The following MAF variants were observed in gnomAD, a reference collection of about 807,000 sequenced individuals.
The protein encoded by MAF is transcription factor Maf.
MAF carries 10 observed loss-of-function variants against 22.0 expected under a neutral mutation model. The observed-to-expected ratio is 0.45, with a 90% CI of 0.28 to 0.77. The LOEUF (loss-of-function observed/expected upper bound fraction) is 0.77, where lower values mean the gene tolerates loss of function less well. MAF is among the 30% of genes least tolerant of loss of function. The probability of loss-of-function intolerance (pLI) is 0.12; values close to 1 mark genes in which losing one functional copy is unlikely to be tolerated. For synonymous variants in MAF, 337 were observed against 255.8 expected, an observed-to-expected ratio of 1.32 and a Z score of -3.03; for missense variants, 544 against 548.4, an observed-to-expected ratio of 0.99 and a Z score of 0.08.
the MAF span, among the ~76,000 whole-genome samples, chr16:79,541,602 T>C: frequency 2.6e-5 from 4 of 151,516 alleles, no homozygotes; most frequent in African/African-American, 9.7e-5. Context: ...GACGAGACCC[T>C]AATTCAGACA....
chr16:79,470,258 C>G, the MAF span, among the ~76,000 whole-genome samples: 3 of 152,188 alleles, frequency 2.0e-5, no homozygotes, highest in Admixed American at 1.3e-4. Flanking sequence ...TCCTCTGAAC[C>G]CCAACACTTG....
the MAF span, among the ~76,000 whole-genome samples, chr16:79,214,405 G>A: frequency 6.8e-4 from 103 of 152,084 alleles, no homozygotes; most frequent in African/African-American, 2.2e-3. Context: ...CAATGATCCC[G>A]AGCCACACAC....
the MAF span, among the ~76,000 whole-genome samples, chr16:79,350,550 C>G: frequency 6.6e-6 from 1 of 152,178 alleles, no homozygotes; most frequent in Admixed American, 6.5e-5. Context: ...ACTGCGTACT[C>G]AACAGTAAGC....
rs758854502 is a variant in MAF, at chr16:79,599,461, C to A, written c.442G>T (p.Ala148Ser). The A allele has an allele frequency of 7.5e-5, 101 of 1,343,634 alleles. 1 individual carries two copies. The South Asian group carries it at 1.3e-3, about 17-fold the overall frequency. The allele number at this position is 1,343,634 out of a possible 1,614,324, so 83.2% of individuals were successfully genotyped here. Residue 148 changes from alanine (A) to serine (S), a missense_variant, in exon 1 of 2, where the codon GCC (alanine) becomes TCC (serine). Around this residue, in one of 5 missense-constraint regions of MAF, gnomAD observed 342 missense variants for 315.5 expected, o/e 1.08. Coordinates refer to ENST00000326043, the MANE Select transcript of MAF (RefSeq NM_005360.5). Reference protein sequence around the residue: ...LAAAAGAGAGASLGGSGEEMG... With the variant: ...LAAAAGAGAGSSLGGSGEEMG... ...TCCTCGCCGCTGCCGCCCAAGGAGG[C>A]GCCGGCACCGGCCCCGGCCGCCGCG...
chr16:79,522,156 G>C, the MAF span, among the ~76,000 whole-genome samples: 27 of 152,200 alleles, frequency 1.8e-4, no homozygotes, highest in Non-Finnish European at 4.0e-4. Context: ...TCTTGCTCAA[G>C]AACACACAGC....
downstream of MAF, among the ~76,000 whole-genome samples, chr16:79,584,961 T>C (rs1371384222): frequency 6.6e-6 from 1 of 152,218 alleles, no homozygotes; most frequent in East Asian, 1.9e-4. Flanking sequence ...GTACCTCCTT[T>C]GCAAAGAGCA....
the MAF span, among the ~76,000 whole-genome samples, chr16:79,545,683 G>A: frequency 6.6e-6 from 1 of 152,060 alleles, no homozygotes; most frequent in African/African-American, 2.4e-5. Context: ...TTCTATGTAA[G>A]CTATTTTAAA....
Position 79,594,420 on chromosome 16 carries a change from T to C in MAF, c.*40A>G, listed in dbSNP as rs1334854458. On this transcript the variant is annotated 3_prime_UTR_variant, in exon 2 of 2. Transcript: ENST00000326043. ...TCTCCATGACTGCAAATAATAATAATAATGATGATTTTTTTTAATGTACAG... is the reference window on the plus strand; with the variant it reads ...TCTCCATGACTGCAAATAATAATAACAATGATGATTTTTTTTAATGTACAG... The C allele has an allele frequency of 2.6e-6, 4 of 1,516,598 alleles. No individual in the cohort carries two copies. Among genetic ancestry groups the C allele is most frequent in the Non-Finnish European group, 3.6e-6 (4 of 1,115,726 alleles). The allele number at this position is 1,516,598 out of a possible 1,614,324, so 93.9% of individuals were successfully genotyped here. A position where few individuals can be genotyped will look rare whatever the true frequency, so the allele number is the denominator to read the frequency against.
At chr16:79,225,053 A>G in the MAF span, among the ~76,000 whole-genome samples, 1 of 152,226 alleles carries the variant, frequency 6.6e-6, no homozygotes, top group Non-Finnish European at 1.5e-5. Flanking sequence ...CCACATAGCC[A>G]AGACAATCCA....
At chr16:79,260,479 C>CTATATCTATATCTA in the MAF span, among the ~76,000 whole-genome samples, 4 of 150,084 alleles carry the variant, frequency 2.7e-5, no homozygotes, top group Admixed American at 2.0e-4. Context: ...ATATCTATAT[C>CTATATCTATATCTA]TATATCTATA....
At chr16:79,446,909 C>G in the MAF span, among the ~76,000 whole-genome samples, 2 of 151,568 alleles carry the variant, frequency 1.3e-5, no homozygotes, top group African/African-American at 4.9e-5. Flanking sequence ...GAGTGAGACA[C>G]TGTCTCAAGA....
At chr16:79,549,881 G>A in the MAF span, among the ~76,000 whole-genome samples, 1 of 152,112 alleles carries the variant, frequency 6.6e-6, no homozygotes. Flanking sequence ...AAGTCAAAAA[G>A]GATGCCTAAA....
the MAF span, among the ~76,000 whole-genome samples, chr16:79,229,659 G>A: frequency 9.1e-3 from 1,385 of 151,848 alleles, 9 homozygotes; most frequent in Non-Finnish European, 0.014. Flanking sequence ...GCAGCACCTG[G>A]GCAAGCCAGC....
At chr16:79,265,055 G>A in the MAF span, among the ~76,000 whole-genome samples, 10 of 152,124 alleles carry the variant, frequency 6.6e-5, no homozygotes, top group Admixed American at 6.5e-4. Context: ...TTTAAGTCAA[G>A]TAATTTTTTT....
chr16:79,287,372 G>A, the MAF span, among the ~76,000 whole-genome samples: 1 of 152,234 alleles, frequency 6.6e-6, no homozygotes, highest in African/African-American at 2.4e-5. Flanking sequence ...CTGCAAACCA[G>A]CCCCTTCCCG....
the MAF span, among the ~76,000 whole-genome samples, chr16:79,561,829 A>G: frequency 6.6e-6 from 1 of 152,112 alleles, no homozygotes; most frequent in Non-Finnish European, 1.5e-5. Context: ...GACAGGAATG[A>G]CCTCCAAAGC....
the MAF span, among the ~76,000 whole-genome samples, chr16:79,457,548 AC>A: frequency 6.6e-6 from 1 of 152,204 alleles, no homozygotes; most frequent in Non-Finnish European, 1.5e-5. Context: ...AAATATGCTG[AC>A]AATAGTGGAG....
At chr16:79,354,054 G>T in the MAF span, among the ~76,000 whole-genome samples, 1 of 152,030 alleles carries the variant, frequency 6.6e-6, no homozygotes, top group Non-Finnish European at 1.5e-5. Flanking sequence ...GGAGTGCAGT[G>T]GTGCCATCAC....
At chr16:79,577,982 G>C in the MAF span, among the ~76,000 whole-genome samples, 1 of 152,126 alleles carries the variant, frequency 6.6e-6, no homozygotes, top group Non-Finnish European at 1.5e-5. Context: ...GGTTACATAT[G>C]CTGGCATTCT....
Sources: gnomAD v4.1 joint callset for allele counts (sites outside exome capture counted in the v4.1 genomes callset) on GRCh38, gnomAD v4.1.1 for gene constraint, gnomAD v4.1.1 regional missense constraint, MANE v1.5 for transcripts, NCBI Gene and HGNC (gene_info 2026-07-23, HGNC 2026-07-21) for gene names.